NDST4: variants seen among roughly 807,000 people sequenced by gnomAD.
NDST4 encodes N-heparan sulfate sulfotransferase 4.
Under a neutral mutation model 100.8 loss-of-function variants are expected in NDST4, and 63 were observed. The observed-to-expected ratio is 0.62, with a 90% CI of 0.51 to 0.77. The LOEUF (loss-of-function observed/expected upper bound fraction) is 0.77. NDST4 is among the 30% of genes least tolerant of loss of function. NDST4 has a pLI of 0.00. For synonymous variants in NDST4, 377 were observed against 361.8 expected (o/e 1.04, Z -0.48); for missense variants, 943 against 1,018.4 (o/e 0.93, Z 1.01).
chr4:115,019,552 C>T (rs189828372), intron 2 of NDST4, among the ~76,000 whole-genome samples: 9 of 152,230 alleles, frequency 5.9e-5, no homozygotes, highest in East Asian at 1.9e-4. Flanking sequence ...TCAGTATGTA[C>T]GAGGCCTAGC....
chr4:115,030,669 A>T (rs944314134), intron 2 of NDST4, among the ~76,000 whole-genome samples: 1 of 152,152 alleles, frequency 6.6e-6, no homozygotes, highest in Admixed American at 6.6e-5. Flanking sequence ...TACTGATCAT[A>T]TAAGTGTGTA....
chr4:115,055,906 A>G (rs1728683796), intron 2 of NDST4, among the ~76,000 whole-genome samples: 1 of 152,168 alleles, frequency 6.6e-6, no homozygotes, highest in African/African-American at 2.4e-5. Context: ...GGCAACATTT[A>G]ATTTAAGCAG....
chr4:114,840,094 G>A (rs2126183548), intron 10 of NDST4, among the ~76,000 whole-genome samples: 1 of 152,206 alleles, frequency 6.6e-6, no homozygotes, highest in Middle Eastern at 3.4e-3. Context: ...GGTGCTATGG[G>A]TACAGAGAAA....
At chr4:114,841,371 T>C (rs1265165363) in intron 10 of NDST4, among the ~76,000 whole-genome samples, 1 of 152,220 alleles carries the variant, frequency 6.6e-6, no homozygotes, top group Non-Finnish European at 1.5e-5. Flanking sequence ...TAGACAGGAC[T>C]AGCTAAGTAA....
At chr4:114,937,550 T>C (rs2126226275) in intron 4 of NDST4, 47 bp from the exon 5 acceptor site, 2 of 1,434,136 alleles carry the variant, frequency 1.4e-6, no homozygotes, top group East Asian at 4.7e-5. Context: ...GGCCAATTAA[T>C]TCAGTGAAAA....
chr4:114,946,208 T>A (rs779654497), intron 4 of NDST4, among the ~76,000 whole-genome samples: 4 of 152,174 alleles, frequency 2.6e-5, no homozygotes, highest in Non-Finnish European at 4.4e-5. Context: ...TTCTGAAGTC[T>A]TACTTTATTG....
At chr4:115,104,898 T>A (rs191190361) in intron 1 of NDST4, among the ~76,000 whole-genome samples, 238 of 152,208 alleles carry the variant, frequency 1.6e-3, no homozygotes, top group African/African-American at 5.4e-3. Context: ...ACACATGTAA[T>A]CAAAACTTGA....
intron 11 of NDST4, among the ~76,000 whole-genome samples, chr4:114,838,207 T>C (rs560369922): frequency 5.9e-5 from 9 of 152,282 alleles, no homozygotes; most frequent in African/African-American, 2.2e-4. Context: ...AGGAATGCTT[T>C]TACATTGTTG....
At chr4:114,942,266 A>T (rs1480314721) in intron 4 of NDST4, among the ~76,000 whole-genome samples, 1 of 152,198 alleles carries the variant, frequency 6.6e-6, no homozygotes, top group Non-Finnish European at 1.5e-5. Flanking sequence ...AGTACTGGGG[A>T]TGCCCTGGGT....
At chr4:115,037,223 C>A (rs1481644960) in intron 2 of NDST4, among the ~76,000 whole-genome samples, 1 of 152,014 alleles carries the variant, frequency 6.6e-6, no homozygotes, top group Admixed American at 6.6e-5. Flanking sequence ...GTCTGGTGAA[C>A]ATTGGTAGAG....
intron 2 of NDST4, among the ~76,000 whole-genome samples, chr4:115,057,126 G>A (rs967134583): frequency 6.6e-6 from 1 of 152,014 alleles, no homozygotes; most frequent in African/African-American, 2.4e-5. Flanking sequence ...GCTTCTTTTG[G>A]TTATAAGAAA....
intron 13 of NDST4, among the ~76,000 whole-genome samples, chr4:114,828,582 G>A (rs577614957): frequency 7.6e-4 from 115 of 151,836 alleles, no homozygotes; most frequent in Non-Finnish European, 1.2e-3. Flanking sequence ...AAATATGAAT[G>A]GTTTTAGTTT....
chr4:114,905,100 T>C (rs1724921485), intron 6 of NDST4, among the ~76,000 whole-genome samples: 1 of 150,844 alleles, frequency 6.6e-6, no homozygotes, highest in South Asian at 2.1e-4. Flanking sequence ...TCATCTACCC[T>C]GTCAAAAATT....
chr4:115,095,870 T>C (rs770044080), intron 1 of NDST4, among the ~76,000 whole-genome samples: 21 of 152,064 alleles, frequency 1.4e-4, no homozygotes, highest in Non-Finnish European at 2.4e-4. Flanking sequence ...AGTAAGCAAT[T>C]AATAATATTT....
chr4:115,041,053 G>A (rs1434224997), intron 2 of NDST4, among the ~76,000 whole-genome samples: 1 of 151,926 alleles, frequency 6.6e-6, no homozygotes, highest in Non-Finnish European at 1.5e-5. Context: ...CTTTATAAAG[G>A]TATTCCAGCT....
chr4:115,006,492 GTA>G (rs1727420292), intron 2 of NDST4, among the ~76,000 whole-genome samples: 1 of 152,096 alleles, frequency 6.6e-6, no homozygotes, highest in Non-Finnish European at 1.5e-5. Context: ...TAATAGACAG[GTA>G]TTAGATACAG....
At chr4:115,090,060 T>C (rs1028025962) in intron 1 of NDST4, among the ~76,000 whole-genome samples, 11 of 151,884 alleles carry the variant, frequency 7.2e-5, no homozygotes, top group Non-Finnish European at 1.3e-4. Flanking sequence ...TATTTAAAAG[T>C]CTCAGCTGAT....
chr4:115,061,706 G>T (rs150878496), intron 2 of NDST4, among the ~76,000 whole-genome samples: 1 of 151,930 alleles, frequency 6.6e-6, no homozygotes, highest in Admixed American at 6.6e-5. Flanking sequence ...AGGTTGATGG[G>T]TGCAGCAAAC....
intron 2 of NDST4, among the ~76,000 whole-genome samples, chr4:115,051,779 A>G (rs1480566560): frequency 6.6e-6 from 1 of 152,248 alleles, no homozygotes; most frequent in African/African-American, 2.4e-5. Context: ...TATACCCAGT[A>G]GTGGAAGTGC....
Sources: allele counts gnomAD v4.1 joint callset (sites outside exome capture counted in the v4.1 genomes callset), GRCh38; gene constraint gnomAD v4.1.1; transcripts MANE v1.5; gene names NCBI Gene and HGNC (gene_info 2026-07-23, HGNC 2026-07-21).